Variants in ZNF547 observed in about 807,000 individuals in gnomAD.
ZNF547 encodes the protein zinc finger protein 547.
A neutral mutation model predicts 7.7 loss-of-function variants in ZNF547; 4 were observed. The observed-to-expected ratio is 0.52, with a 90% CI of 0.26 to 1.20. The LOEUF is 1.20. Ranked by LOEUF, ZNF547 falls within the 50% of genes most tolerant of loss-of-function variation. ZNF547 has a pLI of 0.14. For synonymous variants in ZNF547, 166 were observed against 166.2 expected (o/e 1.00, Z 0.01); for missense variants, 449 against 485.8 (o/e 0.92, Z 0.71).
In ZNF547 at chr19:57,375,661, C is replaced by CA. The variant is rs67290425; in HGVS notation, c.152-1441dup. On this transcript the variant is annotated intron_variant, in intron 3 of 3. Transcript: ENST00000282282. ...TCGGGGAAAGAATGAGAGTTTGTCT[C>CA]AAAAAAAAAAAAAAAAAAAAAAAAA... is the stretch of plus-strand genomic sequence containing the variant. Among the ~76,000 whole-genome samples the CA allele has an allele frequency of 5.4e-3, 496 of 91,482 alleles. 10 individuals carry two copies. Among genetic ancestry groups the CA allele is most frequent in the African/African-American group, 8.8e-3 (226 of 25,582 alleles). The allele number at this position is 91,482 out of a possible 152,430, so 60.0% of individuals were successfully genotyped here.
chr19:57,372,186 A>G (rs942598460), intron 3 of ZNF547, among the ~76,000 whole-genome samples: 6 of 152,110 alleles, frequency 3.9e-5, no homozygotes, highest in Admixed American at 3.3e-4. Context: ...GTTCTATTCA[A>G]ATGCATGAGA....
rs2088507244 is a variant in ZNF547, at chr19:57,371,888, TG to T, written c.133del (p.Ala45ProfsTer6). The T allele has an allele frequency of 6.2e-7, 1 of 1,611,870 alleles. No homozygotes were observed. The highest frequency in any genetic ancestry group is 1.7e-5 in the Admixed American group (1 of 59,724). ...LLYRDVMLENLALLSSLGCCH... is the reference protein window; with the variant it reads ...LLYRDVMLENXALLSSLGCCH... The stretch of plus-strand genomic sequence containing the variant: ...TACCGTGATGTGATGCTGGAGAATT[TG>T]GCCCTTTTGTCCTCACTAGGTAAGG... On this transcript the variant is annotated frameshift_variant, in exon 3 of 4. Transcript: ENST00000282282. LOFTEE classifies it low-confidence loss of function (END_TRUNC).
intron 1 of ZNF547, chr19:57,365,070 G>A (rs765039732): frequency 5.2e-5 from 83 of 1,610,592 alleles, no homozygotes; most frequent in South Asian, 2.0e-4. Context: ...TCACCGCGGG[G>A]CATATGAGGT....
chr19:57,377,592 C>G lies in ZNF547; in HGVS notation c.616C>G (p.His206Asp). ...RSTLNRHQRT[H>D]TGERPYECNE... is the part of the protein sequence containing the mutation. Reference sequence around the variant, plus strand: ...CACACTCAATAGACATCAGAGAACTCACACTGGAGAAAGGCCTTATGAGTG... The same window carrying G: ...CACACTCAATAGACATCAGAGAACTGACACTGGAGAAAGGCCTTATGAGTG... Residue 206 changes from histidine to aspartate, a missense_variant, in exon 4 of 4, where the codon CAC becomes GAC. Coordinates refer to ENST00000282282, the MANE Select transcript of ZNF547 (RefSeq NM_173631.4). 1.1e-5 allele frequency: 17 copies of G among 1,614,244 alleles called. No individual in the cohort carries two copies. Among genetic ancestry groups the G allele is most frequent in the Non-Finnish European group, 1.4e-5 (17 of 1,180,054 alleles).
chr19:57,373,432 C>T (rs58677835), intron 3 of ZNF547, among the ~76,000 whole-genome samples: 375 of 147,106 alleles, frequency 2.5e-3, no homozygotes, highest in African/African-American at 9.1e-3. Context: ...TATTCCACCC[C>T]GGCCCCCCCC....
intron 3 of ZNF547, among the ~76,000 whole-genome samples, chr19:57,373,282 C>G (rs1207939548): frequency 2.0e-5 from 3 of 152,138 alleles, no homozygotes; most frequent in African/African-American, 4.8e-5. Flanking sequence ...TGAGAATTTA[C>G]TCAGTTTCAT....
chr19:57,365,440 T>A, intron 1 of ZNF547: 1 of 561,562 alleles, frequency 1.8e-6, no homozygotes, highest in Admixed American at 3.3e-5. Flanking sequence ...TATCAGTAGA[T>A]CAATTAGTAT....
intron 1 of ZNF547, chr19:57,365,065 G>C: frequency 6.2e-7 from 1 of 1,610,938 alleles, no homozygotes; most frequent in African/African-American, 1.3e-5. Context: ...ATTTGTCACC[G>C]CGGGGCATAT....
chr19:57,377,225 C>T lies in ZNF547; in HGVS notation c.249C>T (p.Thr83=), dbSNP rs764432403. Residue 83 remains threonine (T), a synonymous_variant, in exon 4 of 4, where the codon ACC becomes ACT. Coordinates refer to ENST00000282282, the MANE Select transcript of ZNF547 (RefSeq NM_173631.4). The stretch of plus-strand genomic sequence containing the variant: ...TGGCTCCAAAGCCCTGTCTATCTAC[C>T]CAGAATACCCAGCCCTGTGAGACAT... The part of the protein sequence containing the change: ...QVMAPKPCLS[T]QNTQPCETCS... 7 of 1,614,166 alleles carry T rather than the reference C, an allele frequency of 4.3e-6. No individual in the cohort carries two copies. The Admixed American group carries it at 6.7e-5, about 15-fold the overall frequency.
At chr19:57,371,612 GAGATGGTTA>G (rs1462524315) in intron 2 of ZNF547, 161 bp from the exon 3 acceptor site, 13 of 1,022,134 alleles carry the variant, frequency 1.3e-5, no homozygotes, top group Non-Finnish European at 1.8e-5. Context: ...GTTAGAGATG[GAGATGGTTA>G]AGAATATGTG....
Position 57,377,783 on chromosome 19 carries a change from T to C in ZNF547, c.807T>C (p.Gly269=). 6.2e-7 allele frequency: 1 copy of C among 1,613,524 alleles called. No individual in the cohort carries two copies. The highest frequency in any genetic ancestry group is 8.5e-7 in the Non-Finnish European group (1 of 1,179,882). ...TTCACACTGGAAAGAGGCCTTATGG[T>C]TGCAGTGAATGTGGGAAGTTCTTTA... is the stretch of plus-strand genomic sequence containing the variant. The part of the protein sequence containing the change: ...QRVHTGKRPY[G]CSECGKFFKC... Residue 269 remains glycine, a synonymous_variant, in exon 4 of 4, where the codon GGT becomes GGC. Transcript: ENST00000282282.
intron 2 of ZNF547, 21 bp downstream of exon 2, chr19:57,368,600 C>T: frequency 6.2e-7 from 1 of 1,613,482 alleles, no homozygotes; most frequent in Non-Finnish European, 8.5e-7. Flanking sequence ...TGTTTTCTAC[C>T]TTTCACCTAC....
At chr19:57,364,762 G>A (rs374107495) in intron 1 of ZNF547, 1 of 1,304,892 alleles carries the variant, frequency 7.7e-7, no homozygotes. Flanking sequence ...CGGAGCGCGG[G>A]TCTCTTCCGC....
At chr19:57,376,867 T>C (rs2088539077) in intron 3 of ZNF547, among the ~76,000 whole-genome samples, 1 of 152,178 alleles carries the variant, frequency 6.6e-6, no homozygotes, top group Admixed American at 6.5e-5. Context: ...TGGTGGGCTT[T>C]TGTTACATTC....
At chr19:57,366,197 C>CT (rs983891884) in intron 1 of ZNF547, among the ~76,000 whole-genome samples, 2 of 144,922 alleles carry the variant, frequency 1.4e-5, no homozygotes, top group Admixed American at 7.0e-5. Context: ...TGGGAATAAG[C>CT]TTTTTTGTGT....
At chr19:57,370,127 G>A (rs896315451) in intron 2 of ZNF547, among the ~76,000 whole-genome samples, 5 of 151,878 alleles carry the variant, frequency 3.3e-5, no homozygotes, top group African/African-American at 4.8e-5. Context: ...TCCTGACCTC[G>A]TGATCCATCC....
intron 3 of ZNF547, among the ~76,000 whole-genome samples, chr19:57,372,706 C>T (rs1210167026): frequency 1.3e-5 from 2 of 152,236 alleles, no homozygotes; most frequent in Non-Finnish European, 2.9e-5. Context: ...GGCTTCCAGC[C>T]GTTACCTATT....
intron 3 of ZNF547, among the ~76,000 whole-genome samples, chr19:57,375,519 G>A (rs770570821): frequency 1.3e-5 from 2 of 151,914 alleles, no homozygotes; most frequent in African/African-American, 2.4e-5. Flanking sequence ...AAAATTAGCC[G>A]GGCATGGTGG....
At chr19:57,375,951 TCAG>T (rs2088533426) in intron 3 of ZNF547, among the ~76,000 whole-genome samples, 1 of 151,776 alleles carries the variant, frequency 6.6e-6, no homozygotes, top group Non-Finnish European at 1.5e-5. Flanking sequence ...TCACCTGAGG[TCAG>T]GAGTTTGAGA....
Sources: gnomAD v4.1 joint callset for allele counts (sites outside exome capture counted in the v4.1 genomes callset) on GRCh38, gnomAD v4.1.1 for gene constraint, MANE v1.5 for transcripts, NCBI Gene and HGNC (gene_info 2026-07-23, HGNC 2026-07-21) for gene names.